The following UNC5D variants were observed in gnomAD, a reference collection of about 807,000 sequenced individuals.
UNC5D encodes the protein netrin receptor UNC5D.
UNC5D carries 39 observed loss-of-function variants against 105.4 expected under a neutral mutation model. The ratio of observed to expected loss-of-function variants is 0.37; its 90% CI spans 0.29 to 0.48. The LOEUF (loss-of-function observed/expected upper bound fraction) is 0.48. Ranked by LOEUF, UNC5D falls within the 20% of genes least tolerant of loss-of-function variation. The pLI is 0.98. For synonymous variants in UNC5D, 452 were observed against 450.4 expected, an observed-to-expected ratio of 1.00 and a Z score of -0.04; for missense variants, 991 against 1,202.4, an observed-to-expected ratio of 0.82 and a Z score of 2.60.
At chr8:35,245,021 T>A (rs1480556027) in intron 1 of UNC5D, among the ~76,000 whole-genome samples, 1 of 152,114 alleles carries the variant, frequency 6.6e-6, no homozygotes, top group African/African-American at 2.4e-5. Flanking sequence ...TCCAAAAAAA[T>A]TAATTAATTA....
intron 1 of UNC5D, among the ~76,000 whole-genome samples, chr8:35,267,706 G>A (rs1235317897): frequency 6.6e-6 from 1 of 152,224 alleles, no homozygotes; most frequent in East Asian, 1.9e-4. Context: ...CAAAGTGCTG[G>A]GATTACAGGC....
chr8:35,626,555 T>C (rs1485992908), intron 4 of UNC5D, among the ~76,000 whole-genome samples: 3 of 152,222 alleles, frequency 2.0e-5, no homozygotes, highest in East Asian at 1.9e-4. Flanking sequence ...AGGGCACACG[T>C]AGCCTTCAGC....
chr8:35,317,124 G>A (rs1283193891), intron 1 of UNC5D, among the ~76,000 whole-genome samples: 1 of 152,126 alleles, frequency 6.6e-6, no homozygotes, highest in Non-Finnish European at 1.5e-5. Flanking sequence ...AGGTCCCATA[G>A]CTAATTAGCA....
chr8:35,529,656 T>C (rs1266878908), intron 1 of UNC5D, among the ~76,000 whole-genome samples: 3 of 113,766 alleles, frequency 2.6e-5, no homozygotes, highest in African/African-American at 3.5e-5. Flanking sequence ...GCCATTTTCA[T>C]GATATTGATT....
chr8:35,763,916 A>G (rs1386629352), intron 14 of UNC5D, among the ~76,000 whole-genome samples: 1 of 152,198 alleles, frequency 6.6e-6, no homozygotes, highest in African/African-American at 2.4e-5. Context: ...TAATAAATGC[A>G]GAGTTCCTAG....
At chr8:35,664,233 T>A (rs868441772) in intron 4 of UNC5D, among the ~76,000 whole-genome samples, 1 of 152,198 alleles carries the variant, frequency 6.6e-6, no homozygotes, top group Non-Finnish European at 1.5e-5. Flanking sequence ...AAGCACTATT[T>A]TCATTGATGA....
intron 16 of UNC5D, among the ~76,000 whole-genome samples, chr8:35,783,603 C>G (rs756824211): frequency 6.6e-6 from 1 of 152,124 alleles, no homozygotes; most frequent in African/African-American, 2.4e-5. Context: ...TAAGACAGAG[C>G]CTGAGCCCTG....
At chr8:35,405,873 A>C (rs927275143) in intron 1 of UNC5D, among the ~76,000 whole-genome samples, 3 of 152,206 alleles carry the variant, frequency 2.0e-5, no homozygotes, top group African/African-American at 7.2e-5. Flanking sequence ...TATCTATGTG[A>C]ATATAAATAT....
intron 1 of UNC5D, among the ~76,000 whole-genome samples, chr8:35,267,404 T>A (rs1303473267): frequency 1.3e-5 from 2 of 152,158 alleles, no homozygotes; most frequent in African/African-American, 4.8e-5. Flanking sequence ...TGACAATATT[T>A]TGTGCTGAGT....
chr8:35,763,106 A>G (rs1801615245), intron 14 of UNC5D, among the ~76,000 whole-genome samples: 1 of 152,192 alleles, frequency 6.6e-6, no homozygotes. Flanking sequence ...CCCTGAAAAC[A>G]CACTAATCAC....
intron 4 of UNC5D, among the ~76,000 whole-genome samples, chr8:35,639,104 G>A (rs572649055): frequency 2.6e-5 from 4 of 152,252 alleles, no homozygotes; most frequent in East Asian, 1.9e-4. Context: ...AATATTGTTC[G>A]GATATGATTG....
At chr8:35,653,266 CCTT>C (rs1823538948) in intron 4 of UNC5D, among the ~76,000 whole-genome samples, 1 of 151,946 alleles carries the variant, frequency 6.6e-6, no homozygotes, top group African/African-American at 2.4e-5. Context: ...GATTCATTGG[CCTT>C]CTTCAGTCTG....
intron 1 of UNC5D, chr8:35,544,263 T>G (rs1265613551): frequency 9.2e-7 from 1 of 1,089,868 alleles, no homozygotes; most frequent in Non-Finnish European, 1.3e-6. Context: ...GGCTCTTTCC[T>G]GAACAGCTGA....
chr8:35,295,677 G>A (rs1807429508), intron 1 of UNC5D, among the ~76,000 whole-genome samples: 1 of 151,962 alleles, frequency 6.6e-6, no homozygotes, highest in African/African-American at 2.4e-5. Context: ...AGCTTTTTTT[G>A]TAGGTGTGGT....
intron 1 of UNC5D, among the ~76,000 whole-genome samples, chr8:35,338,204 C>T (rs572035997): frequency 6.6e-6 from 1 of 151,960 alleles, no homozygotes; most frequent in African/African-American, 2.4e-5. Flanking sequence ...GAAATTGCAC[C>T]AGAAATTCTT....
At chr8:35,557,386 T>C (rs1430212316) in intron 2 of UNC5D, among the ~76,000 whole-genome samples, 1 of 152,196 alleles carries the variant, frequency 6.6e-6, no homozygotes, top group South Asian at 2.1e-4. Flanking sequence ...ATGGCGCACA[T>C]GCACATTCAA....
chr8:35,638,683 T>G (rs1459363992), intron 4 of UNC5D, among the ~76,000 whole-genome samples: 1 of 152,006 alleles, frequency 6.6e-6, no homozygotes, highest in African/African-American at 2.4e-5. Flanking sequence ...CAGTCCTAGC[T>G]ACTCAGGAAG....
At chr8:35,512,199 C>T (rs1812757026) in intron 1 of UNC5D, among the ~76,000 whole-genome samples, 1 of 151,596 alleles carries the variant, frequency 6.6e-6, no homozygotes, top group Non-Finnish European at 1.5e-5. Flanking sequence ...GTTTACTTTT[C>T]CCTTTCATAT....
At chr8:35,242,782 T>C (rs1275810907) in intron 1 of UNC5D, among the ~76,000 whole-genome samples, 1 of 152,206 alleles carries the variant, frequency 6.6e-6, no homozygotes, top group Non-Finnish European at 1.5e-5. Context: ...CAGCAACTTA[T>C]TATTAAAGAG....
Sources: gnomAD v4.1 joint callset for allele counts (sites outside exome capture counted in the v4.1 genomes callset) on GRCh38, gnomAD v4.1.1 for gene constraint, MANE v1.5 for transcripts, NCBI Gene and HGNC (gene_info 2026-07-23, HGNC 2026-07-21) for gene names.